The following FHIT variants were observed in gnomAD, a reference collection of about 807,000 sequenced individuals.
FHIT encodes bis(5'-adenosyl)-triphosphatase.
Under a neutral mutation model 17.9 loss-of-function variants are expected in FHIT, and 19 were observed. That is an observed-to-expected ratio of 1.06 (90% confidence interval 0.74 to 1.56). The LOEUF is 1.56. Ranked by LOEUF, FHIT falls within the 40% of genes most tolerant of loss-of-function variation. FHIT has a pLI of 0.00. For missense variants in FHIT, 248 were observed against 189.2 expected (o/e 1.31, Z -1.82); for synonymous variants, 81 against 69.7 (o/e 1.16, Z -0.81).
intron 5 of FHIT, among the ~76,000 whole-genome samples, chr3:60,276,965 GC>G (rs1707172265): frequency 6.6e-6 from 1 of 151,982 alleles, no homozygotes. Flanking sequence ...CTCCCACCAG[GC>G]CACTCAACCA....
chr3:60,018,028 G>A (rs891515418), intron 5 of FHIT, among the ~76,000 whole-genome samples: 6 of 152,172 alleles, frequency 3.9e-5, no homozygotes, highest in African/African-American at 1.2e-4. Context: ...ACCTGAAGCT[G>A]GGTCGTTTAC....
intron 5 of FHIT, among the ~76,000 whole-genome samples, chr3:60,127,060 G>A (rs1006837891): frequency 5.9e-5 from 9 of 152,196 alleles, no homozygotes; most frequent in African/African-American, 2.2e-4. Flanking sequence ...TTTCAGGCCT[G>A]CCTGGTGAGA....
intron 5 of FHIT, among the ~76,000 whole-genome samples, chr3:60,528,525 T>C (rs1021444638): frequency 6.6e-6 from 1 of 152,116 alleles, no homozygotes; most frequent in Non-Finnish European, 1.5e-5. Flanking sequence ...GAGGCTAAGT[T>C]CAGTGTGAGG....
intron 5 of FHIT, among the ~76,000 whole-genome samples, chr3:60,046,816 C>T (rs1701672792): frequency 6.6e-6 from 1 of 152,144 alleles, no homozygotes; most frequent in African/African-American, 2.4e-5. Flanking sequence ...CTTTCTGATG[C>T]CAGGCAGGGC....
intron 7 of FHIT, among the ~76,000 whole-genome samples, chr3:59,931,309 TTTCGCCTTTC>T (rs1203732245): frequency 6.6e-6 from 1 of 152,184 alleles, no homozygotes; most frequent in African/African-American, 2.4e-5. Context: ...CATGGCTGGA[TTTCGCCTTTC>T]TTGATTTGGG....
chr3:59,919,399 T>C (rs973381815), intron 8 of FHIT, among the ~76,000 whole-genome samples: 9 of 152,324 alleles, frequency 5.9e-5, no homozygotes, highest in Middle Eastern at 3.4e-3. Flanking sequence ...TGGAGCCACA[T>C]AGAATGTATT....
chr3:60,451,304 GC>G (rs1368837878), intron 5 of FHIT, among the ~76,000 whole-genome samples: 2 of 151,962 alleles, frequency 1.3e-5, no homozygotes, highest in Admixed American at 6.6e-5. Flanking sequence ...ATATCATAAG[GC>G]CCACCTCCAG....
chr3:61,054,773 A>G (rs1396912795), intron 2 of FHIT, among the ~76,000 whole-genome samples: 2 of 152,120 alleles, frequency 1.3e-5, no homozygotes, highest in Non-Finnish European at 2.9e-5. Context: ...TGTACCTAAG[A>G]ATGACCTGTT....
Position 59,869,484 on chromosome 3 carries a change from C to CTTTTTTTTTTTTTTTTTTTTTTTT in FHIT, c.348+52861_348+52862insAAAAAAAAAAAAAAAAAAAAAAAA, listed in dbSNP as rs59589849. 2.0e-4 allele frequency among the ~76,000 whole-genome samples: 21 copies of CTTTTTTTTTTTTTTTTTTTTTTTT among 105,452 alleles called. 2 individuals carry two copies. The highest frequency in any genetic ancestry group is 3.7e-4 in the African/African-American group (9 of 24,110). 69.2% of individuals were successfully genotyped at this position (105,452 alleles called of 152,430 possible). A position where few individuals can be genotyped will look rare whatever the true frequency, so the allele number is the denominator to read the frequency against. On this transcript the variant is annotated intron_variant, in intron 8 of 9. Coordinates refer to ENST00000492590, the MANE Select transcript of FHIT (RefSeq NM_002012.4). ...ATTCCATCTTTCCTTAAAGAACATC[C>CTTTTTTTTTTTTTTTTTTTTTTTT]TTTTTTTTTTTTTTTTAGACAGAGT... is the stretch of plus-strand genomic sequence containing the variant.
intron 2 of FHIT, among the ~76,000 whole-genome samples, chr3:61,154,526 T>G (rs1001156204): frequency 6.6e-6 from 1 of 152,186 alleles, no homozygotes; most frequent in Non-Finnish European, 1.5e-5. Flanking sequence ...AGACCTGCAA[T>G]GCATTTGCTA....
chr3:59,794,085 A>G (rs983740874), intron 8 of FHIT, among the ~76,000 whole-genome samples: 2 of 152,188 alleles, frequency 1.3e-5, no homozygotes, highest in African/African-American at 2.4e-5. Context: ...CCATGAAAAA[A>G]AGAGCCTTAT....
chr3:60,983,225 G>T lies in FHIT; in HGVS notation c.-111+58822C>A, dbSNP rs927831280. Among the ~76,000 whole-genome samples the T allele has an allele frequency of 3.3e-5, 5 of 151,798 alleles. No individual in the cohort carries two copies. The East Asian group carries it at 9.7e-4, about 29-fold the overall frequency. ...GAGTCCTCAGAAAGCACAGCCTGAG[G>T]CAAAATCTTACATAATCCTAATTTA... is the stretch of plus-strand genomic sequence containing the variant. On this transcript the variant is annotated intron_variant, in intron 3 of 9. Transcript: ENST00000492590.
At chr3:60,977,227 G>A (rs1292946264) in intron 3 of FHIT, among the ~76,000 whole-genome samples, 4 of 152,160 alleles carry the variant, frequency 2.6e-5, no homozygotes, top group Admixed American at 6.5e-5. Context: ...TGCTGGAAGC[G>A]GAAGCAAATA....
chr3:60,012,097 T>A (rs1700159930), intron 6 of FHIT, among the ~76,000 whole-genome samples: 1 of 152,032 alleles, frequency 6.6e-6, no homozygotes, highest in Non-Finnish European at 1.5e-5. Context: ...TTTGTCTACC[T>A]CTATGAGCCT....
intron 8 of FHIT, among the ~76,000 whole-genome samples, chr3:59,800,306 G>A (rs9311726): frequency 0.72 from 109,119 of 152,006 alleles, 39,951 homozygotes; most frequent in Middle Eastern, 0.83. Context: ...AATATGCAGC[G>A]TTCTTGTTCT....
chr3:60,712,239 T>G (rs540589197), intron 4 of FHIT, among the ~76,000 whole-genome samples: 1 of 152,124 alleles, frequency 6.6e-6, no homozygotes, highest in African/African-American at 2.4e-5. Context: ...AGAGATTTTG[T>G]CACCACCAGG....
At chr3:60,498,465 C>T (rs994391303) in intron 5 of FHIT, among the ~76,000 whole-genome samples, 1 of 152,116 alleles carries the variant, frequency 6.6e-6, no homozygotes, top group Non-Finnish European at 1.5e-5. Flanking sequence ...CATATTGTAT[C>T]TTCAACTAAG....
chr3:59,844,434 A>G (rs1030063237), intron 8 of FHIT, among the ~76,000 whole-genome samples: 8 of 151,892 alleles, frequency 5.3e-5, no homozygotes, highest in African/African-American at 1.9e-4. Flanking sequence ...TGGGTTTTTT[A>G]TATGTGGCTC....
chr3:60,876,122 A>G (rs1704643783), intron 3 of FHIT, among the ~76,000 whole-genome samples: 1 of 152,036 alleles, frequency 6.6e-6, no homozygotes, highest in African/African-American at 2.4e-5. Context: ...ACCTTAAACC[A>G]CCTGAGATTT....
Sources: gnomAD v4.1 joint callset for allele counts (sites outside exome capture counted in the v4.1 genomes callset) on GRCh38, gnomAD v4.1.1 for gene constraint, MANE v1.5 for transcripts, NCBI Gene and HGNC (gene_info 2026-07-23, HGNC 2026-07-21) for gene names.